The following LYN variants were observed in gnomAD, a reference collection of about 807,000 sequenced individuals.
The protein encoded by LYN is tyrosine-protein kinase Lyn.
A neutral mutation model predicts 65.0 loss-of-function variants in LYN; 12 were observed. The observed-to-expected ratio is 0.18, with a 90% CI of 0.12 to 0.30. The LOEUF is 0.30. Ranked by LOEUF, LYN falls within the 10% of genes least tolerant of loss-of-function variation. The pLI, the probability that LYN is intolerant of heterozygous loss-of-function variation, is 1.00. For synonymous variants in LYN, 222 were observed against 221.2 expected (o/e 1.00, Z -0.03); for missense variants, 380 against 623.2 (o/e 0.61, Z 4.16).
intron 2 of LYN, among the ~76,000 whole-genome samples, chr8:55,943,110 A>G (rs1040580674): frequency 6.6e-6 from 1 of 152,222 alleles, no homozygotes; most frequent in Non-Finnish European, 1.5e-5. Context: ...AAGAACTAAC[A>G]TCACATTTTA....
intron 8 of LYN, among the ~76,000 whole-genome samples, chr8:55,964,156 T>G (rs747731351): frequency 6.2e-4 from 94 of 152,196 alleles, no homozygotes; most frequent in Non-Finnish European, 1.1e-3. Flanking sequence ...GGTTTTTTTT[T>G]GTCAGCTTTA....
intron 6 of LYN, among the ~76,000 whole-genome samples, chr8:55,951,591 A>G (rs565675888): frequency 2.2e-4 from 34 of 151,998 alleles, no homozygotes; most frequent in Admixed American, 4.6e-4. Flanking sequence ...TTTGAGCCCA[A>G]GAGGTGGAGG....
At chr8:56,005,895 G>A (rs961641345) in intron 12 of LYN, among the ~76,000 whole-genome samples, 1 of 152,082 alleles carries the variant, frequency 6.6e-6, no homozygotes, top group African/African-American at 2.4e-5. Flanking sequence ...ACCAGCCTGG[G>A]CAACATAGCA....
chr8:55,938,891 C>T (rs749992156), intron 1 of LYN, among the ~76,000 whole-genome samples: 4 of 152,166 alleles, frequency 2.6e-5, no homozygotes, highest in Non-Finnish European at 5.9e-5. Context: ...ATGCTGTGCG[C>T]GAGTCTTTTA....
chr8:55,990,846 T>G (rs1182357241), intron 10 of LYN, among the ~76,000 whole-genome samples: 2 of 152,218 alleles, frequency 1.3e-5, no homozygotes, highest in Non-Finnish European at 2.9e-5. Flanking sequence ...TCTACCCAGT[T>G]GGTTAAGAGG....
intron 1 of LYN, chr8:55,895,622 T>C (rs4737420): frequency 0.39 from 59,030 of 151,862 alleles, 12,193 homozygotes; most frequent in East Asian, 0.68. Context: ...AGACCTCATC[T>C]CTACAATTTT....
intron 1 of LYN, among the ~76,000 whole-genome samples, chr8:55,882,490 A>T (rs758014840): frequency 6.6e-6 from 1 of 152,252 alleles, no homozygotes; most frequent in Non-Finnish European, 1.5e-5. Context: ...CTTTATAAAT[A>T]AGGACACCAT....
At chr8:55,971,890 G>A (rs563027007) in intron 10 of LYN, among the ~76,000 whole-genome samples, 43 of 152,288 alleles carry the variant, frequency 2.8e-4, no homozygotes, top group Non-Finnish European at 5.4e-4. Context: ...CATAGCTTAC[G>A]AGGAAGATTA....
intron 1 of LYN, among the ~76,000 whole-genome samples, chr8:55,916,021 T>C (rs1805772884): frequency 6.6e-6 from 1 of 152,214 alleles, no homozygotes. Context: ...GCCATTGTTT[T>C]AAAAGCATAT....
intron 1 of LYN, among the ~76,000 whole-genome samples, chr8:55,925,258 G>A (rs1351203475): frequency 6.6e-6 from 1 of 151,976 alleles, no homozygotes; most frequent in African/African-American, 2.4e-5. Flanking sequence ...GAGTAGCTGG[G>A]ACCACAGGCG....
intron 4 of LYN, among the ~76,000 whole-genome samples, chr8:55,950,139 T>C (rs1289117507): frequency 6.6e-6 from 1 of 152,262 alleles, no homozygotes; most frequent in African/African-American, 2.4e-5. Flanking sequence ...CTCCACTGGA[T>C]GGATATTCCA....
At chr8:55,895,698 G>A (rs962469846) in intron 1 of LYN, 1 of 152,068 alleles carries the variant, frequency 6.6e-6, no homozygotes, top group African/African-American at 2.4e-5. Flanking sequence ...ATTAGATGAA[G>A]CTCCTTCATC....
At chr8:55,970,166 G>A (rs1018285496) in intron 10 of LYN, among the ~76,000 whole-genome samples, 2 of 152,174 alleles carry the variant, frequency 1.3e-5, no homozygotes, top group Non-Finnish European at 2.9e-5. Flanking sequence ...TTTAAGTTAC[G>A]AATCGAATGT....
At chr8:55,927,968 T>G (rs72651482) in intron 1 of LYN, among the ~76,000 whole-genome samples, 17,149 of 152,244 alleles carry the variant, frequency 0.11, 1,242 homozygotes, top group Middle Eastern at 0.29. Context: ...AGGGTATTGT[T>G]TAGTTTTATA....
chr8:55,955,974 A>G (rs1807095571), intron 8 of LYN, among the ~76,000 whole-genome samples: 1 of 152,190 alleles, frequency 6.6e-6, no homozygotes, highest in South Asian at 2.1e-4. Context: ...ATAATGCTGT[A>G]TGAATGTTCA....
chr8:55,950,443 T>G lies in LYN; in HGVS notation c.285-16T>G, dbSNP rs539680643. 3 of 1,561,760 alleles carry G rather than the reference T, an allele frequency of 1.9e-6. No individual in the cohort carries two copies. In the Admixed American group the frequency reaches 5.4e-5, roughly 28 times the overall value. ...GTAATCTTTTAGCTTCTTTTTGATG[T>G]GTATTTCTATTCTAGGCATGGAGAA... On this transcript the variant is annotated splice_polypyrimidine_tract_variant and intron_variant, in intron 4 of 12. Coordinates refer to ENST00000519728, the MANE Select transcript of LYN (RefSeq NM_002350.4).
intron 10 of LYN, among the ~76,000 whole-genome samples, chr8:55,994,258 A>G (rs1289597093): frequency 6.6e-6 from 1 of 152,208 alleles, no homozygotes; most frequent in Admixed American, 6.5e-5. Context: ...AAAGCAAGTC[A>G]TATCTGAGAG....
intron 1 of LYN, among the ~76,000 whole-genome samples, chr8:55,920,724 G>A (rs865778087): frequency 3.9e-5 from 6 of 151,938 alleles, no homozygotes; most frequent in Admixed American, 1.3e-4. Context: ...AGGCTGGAGG[G>A]CAGTGGCATA....
intron 12 of LYN, among the ~76,000 whole-genome samples, chr8:56,008,124 A>AAAATAAAATAAAAT (rs1554519956): frequency 3.5e-5 from 3 of 86,638 alleles, no homozygotes; most frequent in African/African-American, 1.2e-4. Context: ...GCCTCAAAAA[A>AAAATAAAATAAAAT]AAAATAAAAT....
Sources: allele counts gnomAD v4.1 joint callset (sites outside exome capture counted in the v4.1 genomes callset), GRCh38; gene constraint gnomAD v4.1.1; transcripts MANE v1.5; gene names NCBI Gene and HGNC (gene_info 2026-07-23, HGNC 2026-07-21).